ABCC5: variants seen among roughly 807,000 people sequenced by gnomAD.
The protein encoded by ABCC5 is ATP binding cassette subfamily C member 5, also known as ATP-binding cassette sub-family C member 5.
ABCC5 carries 61 observed loss-of-function variants against 160.9 expected under a neutral mutation model. The observed-to-expected ratio is 0.38, with a 90% CI of 0.31 to 0.47. The LOEUF (loss-of-function observed/expected upper bound fraction) is 0.47. ABCC5 is among the 20% of genes least tolerant of loss of function. ABCC5 has a pLI of 0.99. For synonymous variants in ABCC5, 666 were observed against 700.6 expected, an observed-to-expected ratio of 0.95 and a Z score of 0.78; for missense variants, 1,308 against 1,813.3, an observed-to-expected ratio of 0.72 and a Z score of 5.06.
chr3:183,939,755 T>C (rs979191591), intron 25 of ABCC5, among the ~76,000 whole-genome samples: 1 of 152,258 alleles, frequency 6.6e-6, no homozygotes, highest in Non-Finnish European at 1.5e-5. Context: ...TAGTCCTGTC[T>C]ACCTTTCTGC....
intron 25 of ABCC5, among the ~76,000 whole-genome samples, chr3:183,939,516 A>G (rs1233384154): frequency 1.3e-5 from 2 of 152,360 alleles, no homozygotes; most frequent in East Asian, 3.9e-4. Context: ...TAGTGGTTGC[A>G]TTCCATCATG....
intron 17 of ABCC5, among the ~76,000 whole-genome samples, chr3:183,955,101 C>T (rs796675157): frequency 2.7e-4 from 41 of 152,168 alleles, no homozygotes; most frequent in African/African-American, 7.9e-4. Context: ...CAGTAGCAGA[C>T]GTCAGAGAGA....
At chr3:183,956,952 G>A (rs536731915) in intron 17 of ABCC5, among the ~76,000 whole-genome samples, 195 of 148,050 alleles carry the variant, frequency 1.3e-3, no homozygotes, top group African/African-American at 4.2e-3. Flanking sequence ...ATGCGGATCC[G>A]TGTGTACATC....
intron 17 of ABCC5, among the ~76,000 whole-genome samples, chr3:183,953,912 A>G (rs1329113722): frequency 6.6e-6 from 1 of 152,192 alleles, no homozygotes; most frequent in East Asian, 1.9e-4. Context: ...TTTTGGCCCC[A>G]CAAAGAACTT....
At position 183,983,822 on chromosome 3, in the gene ABCC5, A is replaced by G. The variant is rs1718957907; in HGVS notation, c.592-815T>C. The G allele has an allele frequency of 1.6e-5, 16 of 985,496 alleles. No individual in the cohort carries two copies. In the South Asian group the frequency reaches 7.0e-4, roughly 43 times the overall value. 61.0% of individuals were successfully genotyped at this position (985,496 alleles called of 1,614,324 possible). A position where few individuals can be genotyped will look rare whatever the true frequency, so the allele number is the denominator to read the frequency against. On this transcript the variant is annotated intron_variant, in intron 5 of 29. Transcript: ENST00000334444. ...ACCATCTTCAAAGAGCATCTCACAA[A>G]CACTGTACAGCAGGTGAAGCATTGC...
chr3:183,988,527 G>A lies in ABCC5; in HGVS notation c.443+45C>T. On this transcript the variant is annotated intron_variant, in intron 4 of 29. Transcript: ENST00000334444. This position sits in a 1 kb window ranked among gnomAD's most constrained non-coding sequence, Gnocchi z 4.4. ...ACTTCACACTCCTAGCTCAGGCCCTGCCCACCCGGCATGGGGGAGATGAGG... is the reference window on the plus strand; with the variant it reads ...ACTTCACACTCCTAGCTCAGGCCCTACCCACCCGGCATGGGGGAGATGAGG... 1 of 1,577,512 alleles carries A rather than the reference G, an allele frequency of 6.3e-7. No homozygotes were observed. The highest frequency in any genetic ancestry group is 8.6e-7 in the Non-Finnish European group (1 of 1,165,506).
chr3:183,995,060 G>A (rs188467980), intron 2 of ABCC5, among the ~76,000 whole-genome samples: 8 of 151,452 alleles, frequency 5.3e-5, no homozygotes, highest in Admixed American at 1.3e-4. Flanking sequence ...TGCCCAGGCC[G>A]GTCTTGAACT....
At chr3:183,972,802 G>A (rs1211420282) in intron 10 of ABCC5, among the ~76,000 whole-genome samples, 1 of 151,924 alleles carries the variant, frequency 6.6e-6, no homozygotes, top group Non-Finnish European at 1.5e-5. Context: ...GTGCCACCAT[G>A]CCCGGCTAAT....
At chr3:184,002,900 G>A (rs555398474) in intron 2 of ABCC5, among the ~76,000 whole-genome samples, 9 of 152,244 alleles carry the variant, frequency 5.9e-5, no homozygotes, top group Admixed American at 2.0e-4. Flanking sequence ...GAGGTACCTC[G>A]GTTTCCAAGG....
chr3:183,965,139 C>T (rs1273794235), intron 14 of ABCC5, 46 bp downstream of exon 14: 1 of 1,597,402 alleles, frequency 6.3e-7, no homozygotes, highest in Non-Finnish European at 8.6e-7. Flanking sequence ...TCTGGCCCAG[C>T]TCTGCCACTC....
At chr3:183,961,489 C>T (rs370888001) in intron 16 of ABCC5, 22 bp downstream of exon 16, 40 of 1,612,634 alleles carry the variant, frequency 2.5e-5, no homozygotes, top group East Asian at 8.9e-5. Flanking sequence ...AGGGGACACA[C>T]GCAAACACCA....
At chr3:184,007,404 A>G (rs1721315336) in intron 2 of ABCC5, among the ~76,000 whole-genome samples, 1 of 152,160 alleles carries the variant, frequency 6.6e-6, no homozygotes, top group Non-Finnish European at 1.5e-5. Flanking sequence ...TTTGCCTGAG[A>G]GCACTAAGAA....
At chr3:183,942,965 A>C in intron 24 of ABCC5, 49 bp from the exon 25 acceptor site, 6 of 1,538,680 alleles carry the variant, frequency 3.9e-6, no homozygotes, top group Non-Finnish European at 5.3e-6. Flanking sequence ...ATTCTTGGGG[A>C]GCTGCAGGCT....
In ABCC5 at chr3:183,951,901, C is replaced by T. The variant is rs1475388061; in HGVS notation, c.2770G>A (p.Val924Ile). The change falls in exon 19 of 30, where the codon GTC (valine) becomes ATC (isoleucine). Residue 924 changes from valine (V) to isoleucine (I), a missense_variant. Physicochemically the swap from Val to Ile is conservative, Grantham distance 29. Coordinates refer to ENST00000334444, the MANE Select transcript of ABCC5 (RefSeq NM_005688.4). This position sits in a 1 kb window ranked among gnomAD's most constrained non-coding sequence, Gnocchi z 4.7. ...YASIYALSMA[V>I]MLILKAIRGV... ...CGAATGGCTTTCAGGATCAGCATGA[C>T]TGCCATGGAGAGGGCGTAGATGCTG... The T allele has an allele frequency of 6.2e-7, 1 of 1,613,950 alleles. No homozygotes were observed. Among genetic ancestry groups the T allele is most frequent in the Non-Finnish European group, 8.5e-7 (1 of 1,179,938 alleles).
intron 5 of ABCC5, chr3:183,983,700 G>A (rs1311274373): frequency 7.1e-6 from 7 of 982,334 alleles, no homozygotes; most frequent in South Asian, 9.4e-5. Context: ...CTGCAACGCC[G>A]GAGCACACAC....
chr3:183,969,923 T>C (rs1164179260), intron 11 of ABCC5, among the ~76,000 whole-genome samples: 3 of 152,110 alleles, frequency 2.0e-5, no homozygotes, highest in Non-Finnish European at 4.4e-5. Flanking sequence ...CCTCCCTACT[T>C]CCAGTTACAT....
rs372788017 is a variant in ABCC5 at position 183,959,797 on chromosome 3, C to T, written c.2418G>A (p.Lys806=). 18 of 1,612,316 alleles carry T rather than the reference C, an allele frequency of 1.1e-5. No individual in the cohort carries two copies. The African/African-American group carries it at 2.0e-4, about 18-fold the overall frequency. ...CTGTTTTAGGACCCTTGTCTTGTGA[C>T]TTCTTCTGTGAACCACTGGTTTCCT... ...SKKETSGSQK[K]SQDKGPKTGS... Residue 806 remains lysine, a synonymous_variant, in exon 17 of 30, where the codon AAG becomes AAA. Coordinates refer to ENST00000334444, the MANE Select transcript of ABCC5 (RefSeq NM_005688.4).
chr3:183,984,124 C>T (rs1718985886), intron 5 of ABCC5: 1 of 985,362 alleles, frequency 1.0e-6, no homozygotes, highest in Non-Finnish European at 1.2e-6. Flanking sequence ...AAAAGCTCCC[C>T]AAAGAGGTAC....
rs140889350 is a variant in ABCC5 at position 183,945,599 on chromosome 3, T to G, written c.3504+251A>C. 5.4e-3 allele frequency among the ~76,000 whole-genome samples: 825 copies of G among 152,342 alleles called. 2 individuals carry two copies. Among genetic ancestry groups the G allele is most frequent in the Middle Eastern group, 0.014 (4 of 294 alleles). On this transcript the variant is annotated intron_variant, in intron 24 of 29. Coordinates refer to ENST00000334444, the MANE Select transcript of ABCC5 (RefSeq NM_005688.4). ...GCTCCATTAGTCAGTTAAGCTGAACTGACAAGGTTCTGAACATTCTGGAAA... is the reference window on the plus strand; with the variant it reads ...GCTCCATTAGTCAGTTAAGCTGAACGGACAAGGTTCTGAACATTCTGGAAA...
Sources: gnomAD v4.1 joint callset for allele counts (sites outside exome capture counted in the v4.1 genomes callset) on GRCh38, gnomAD v4.1.1 for gene constraint, Gnocchi (gnomAD v3.1) non-coding constraint, MANE v1.5 for transcripts, NCBI Gene and HGNC (gene_info 2026-07-23, HGNC 2026-07-21) for gene names.